RHOJ: variants seen among roughly 807,000 people sequenced by gnomAD.
RHOJ encodes ras homolog family member J.
Under a neutral mutation model 23.4 loss-of-function variants are expected in RHOJ, and 11 were observed. The observed-to-expected ratio is 0.47, with a 90% CI of 0.30 to 0.78. The LOEUF (loss-of-function observed/expected upper bound fraction) is 0.78. Ranked by LOEUF, RHOJ falls within the 30% of genes least tolerant of loss-of-function variation. The probability of loss-of-function intolerance (pLI) is 0.08; values close to 1 mark genes in which losing one functional copy is unlikely to be tolerated. For missense variants in RHOJ, 254 were observed against 273.4 expected (o/e 0.93, Z 0.50); for synonymous variants, 102 against 102.7 (o/e 0.99, Z 0.04).
At position 63,230,729 on chromosome 14, in the gene RHOJ, CTTT is replaced by C. The variant is rs751399615; in HGVS notation, c.178+25683_178+25685del. 4.0e-5 allele frequency among the ~76,000 whole-genome samples: 6 copies of C among 150,662 alleles called. No homozygotes were observed. In the East Asian group the frequency reaches 5.9e-4, roughly 15 times the overall value. Reference sequence around the variant, plus strand: ...CACACACACACACACATACACACTTCTTTATTATCTCTCTATTAAGAAAAGGGT... The same window carrying C: ...CACACACACACACACATACACACTTCATTATCTCTCTATTAAGAAAAGGGT... On this transcript the variant is annotated intron_variant, in intron 1 of 4. Coordinates refer to ENST00000316754, the MANE Select transcript of RHOJ (RefSeq NM_020663.5).
chr14:63,263,284 A>G (rs1381455657), intron 1 of RHOJ, among the ~76,000 whole-genome samples: 2 of 152,186 alleles, frequency 1.3e-5, no homozygotes, highest in Non-Finnish European at 2.9e-5. Context: ...TTAGCATTTT[A>G]TGACAATAGC....
intron 2 of RHOJ, among the ~76,000 whole-genome samples, chr14:63,277,966 A>AACAC (rs34023824): frequency 0.082 from 11,641 of 141,422 alleles, 603 homozygotes; most frequent in East Asian, 0.26. Context: ...CAGCTACACA[A>AACAC]ACACACACAC....
intron 1 of RHOJ, among the ~76,000 whole-genome samples, chr14:63,228,584 G>A (rs1894636576): frequency 6.6e-6 from 1 of 151,484 alleles, no homozygotes; most frequent in Non-Finnish European, 1.5e-5. Context: ...GTGAAAAAAA[G>A]TCAAACTACA....
At chr14:63,249,205 A>G (rs1895026832) in intron 1 of RHOJ, among the ~76,000 whole-genome samples, 1 of 152,234 alleles carries the variant, frequency 6.6e-6, no homozygotes, top group South Asian at 2.1e-4. Context: ...GTCCTTACAG[A>G]GCAAAAAGCT....
At chr14:63,256,912 C>T (rs959432552) in intron 1 of RHOJ, among the ~76,000 whole-genome samples, 6 of 151,780 alleles carry the variant, frequency 4.0e-5, no homozygotes, top group Non-Finnish European at 5.9e-5. Context: ...TCTCTACTAA[C>T]AATACAAAAA....
chr14:63,273,052 C>A (rs956081093), intron 2 of RHOJ, among the ~76,000 whole-genome samples: 2 of 152,138 alleles, frequency 1.3e-5, no homozygotes, highest in African/African-American at 4.8e-5. Context: ...ATAATGAAGT[C>A]ACTTGCATAC....
chr14:63,217,170 C>T (rs1429383148), intron 1 of RHOJ, among the ~76,000 whole-genome samples: 1 of 151,076 alleles, frequency 6.6e-6, no homozygotes, highest in East Asian at 2.0e-4. Context: ...ATGTGCCATG[C>T]TGGTGCGCTG....
chr14:63,209,864 T>C (rs1275379021), intron 1 of RHOJ, among the ~76,000 whole-genome samples: 1 of 151,994 alleles, frequency 6.6e-6, no homozygotes, highest in Non-Finnish European at 1.5e-5. Flanking sequence ...TTATATTTAT[T>C]ATATTTCTGA....
At chr14:63,256,388 T>G (rs1287634496) in intron 1 of RHOJ, among the ~76,000 whole-genome samples, 1 of 152,198 alleles carries the variant, frequency 6.6e-6, no homozygotes, top group Non-Finnish European at 1.5e-5. Context: ...CAAGAGCTTG[T>G]GGATCAGAGT....
chr14:63,218,932 T>C (rs1278170623), intron 1 of RHOJ, among the ~76,000 whole-genome samples: 1 of 152,236 alleles, frequency 6.6e-6, no homozygotes, highest in Admixed American at 6.5e-5. Context: ...CTCTAACTGA[T>C]GTCCGAGTGC....
At chr14:63,227,224 T>C (rs1442517854) in intron 1 of RHOJ, among the ~76,000 whole-genome samples, 1 of 152,210 alleles carries the variant, frequency 6.6e-6, no homozygotes, top group Admixed American at 6.5e-5. Flanking sequence ...AGTGCTGGGA[T>C]TACAGGTGTG....
intron 1 of RHOJ, among the ~76,000 whole-genome samples, chr14:63,234,124 AC>A (rs1943202682): frequency 6.6e-6 from 1 of 152,068 alleles, no homozygotes; most frequent in Non-Finnish European, 1.5e-5. Context: ...CACAACTCAA[AC>A]TTTACCTCCT....
chr14:63,280,603 G>A lies in RHOJ; in HGVS notation c.238-368G>A, dbSNP rs180833189. On this transcript the variant is annotated intron_variant, in intron 2 of 4. Coordinates refer to ENST00000316754, the MANE Select transcript of RHOJ (RefSeq NM_020663.5). ...GAATATGTTAATTTGTTTCACTGTAGCATATATATGTATATCAAACACCAT... is the reference window on the plus strand; with the variant it reads ...GAATATGTTAATTTGTTTCACTGTAACATATATATGTATATCAAACACCAT... 3.3e-5 allele frequency among the ~76,000 whole-genome samples: 5 copies of A among 152,082 alleles called. No individual in the cohort carries two copies. The East Asian group carries it at 9.6e-4, about 29-fold the overall frequency.
chr14:63,234,971 C>CAGAAA (rs1566613032), intron 1 of RHOJ, among the ~76,000 whole-genome samples: 1 of 152,106 alleles, frequency 6.6e-6, no homozygotes, highest in African/African-American at 2.4e-5. Flanking sequence ...CCAGTAAACT[C>CAGAAA]AGAAACATTG....
At chr14:63,277,486 G>A (rs1211717807) in intron 2 of RHOJ, among the ~76,000 whole-genome samples, 1 of 152,132 alleles carries the variant, frequency 6.6e-6, no homozygotes, top group African/African-American at 2.4e-5. Flanking sequence ...AAAGGGGGTG[G>A]AGCAAGGAGT....
At chr14:63,218,374 A>G (rs1177846633) in intron 1 of RHOJ, among the ~76,000 whole-genome samples, 1 of 152,168 alleles carries the variant, frequency 6.6e-6, no homozygotes, top group African/African-American at 2.4e-5. Flanking sequence ...TGGGAAATAT[A>G]AGTATGTCAT....
chr14:63,291,870 A>C lies in RHOJ; in HGVS notation c.*846A>C, dbSNP rs1882264390. On this transcript the variant is annotated 3_prime_UTR_variant, in exon 5 of 5. Transcript: ENST00000316754. Reference sequence around the variant, plus strand: ...AATGTAGTATTTCTGTTTTTCATCCAAGTTGATTGGGGGAAGAATATGGCA... The same window carrying C: ...AATGTAGTATTTCTGTTTTTCATCCCAGTTGATTGGGGGAAGAATATGGCA... The C allele has an allele frequency of 6.6e-6, 1 of 152,570 alleles. No individual in the cohort carries two copies. The highest frequency in any genetic ancestry group is 1.5e-5 in the Non-Finnish European group (1 of 68,052). 9.5% of individuals were successfully genotyped at this position (152,570 alleles called of 1,614,324 possible). A position where few individuals can be genotyped will look rare whatever the true frequency, so the allele number is the denominator to read the frequency against.
intron 2 of RHOJ, among the ~76,000 whole-genome samples, chr14:63,273,177 G>A (rs755876593): frequency 1.2e-4 from 18 of 152,228 alleles, no homozygotes; most frequent in South Asian, 4.1e-4. Context: ...TCACAACTCC[G>A]TTTAATTCCC....
At chr14:63,219,877 T>C (rs1168660212) in intron 1 of RHOJ, among the ~76,000 whole-genome samples, 1 of 151,962 alleles carries the variant, frequency 6.6e-6, no homozygotes, top group Non-Finnish European at 1.5e-5. Flanking sequence ...GGTGAATTTC[T>C]ACATGAAGGG....
Sources: gnomAD v4.1 joint callset for allele counts (sites outside exome capture counted in the v4.1 genomes callset) on GRCh38, gnomAD v4.1.1 for gene constraint, MANE v1.5 for transcripts, NCBI Gene and HGNC (gene_info 2026-07-23, HGNC 2026-07-21) for gene names.